PCDH11X: variants seen among roughly 807,000 people sequenced by gnomAD.
PCDH11X encodes the protein protocadherin 11 X-linked, also known as protocadherin-11 X-linked.
PCDH11X carries 18 observed loss-of-function variants against 53.3 expected under a neutral mutation model. That is an observed-to-expected ratio of 0.34 (90% CI 0.23 to 0.50). The LOEUF (loss-of-function observed/expected upper bound fraction) is 0.50, where lower values mean the gene tolerates loss of function less well. PCDH11X is among the 20% of genes least tolerant of loss of function. PCDH11X has a pLI of 0.98. For missense variants in PCDH11X, 570 were observed against 1,032.4 expected, an observed-to-expected ratio of 0.55 and a Z score of 6.14; for synonymous variants, 279 against 393.3, an observed-to-expected ratio of 0.71 and a Z score of 3.44.
chrX:92,013,858 C>T (rs1468633845), intron 6 of PCDH11X, among the ~76,000 whole-genome samples: 1 of 111,637 alleles, frequency 9.0e-6, no homozygotes, highest in Non-Finnish European at 1.9e-5. Flanking sequence ...GGATCCCTTC[C>T]TTACACCTTA....
intron 8 of PCDH11X, among the ~76,000 whole-genome samples, chrX:92,350,670 G>A (rs12848853): frequency 8.5e-4 from 95 of 111,314 alleles, no homozygotes; most frequent in Non-Finnish European, 1.6e-3. Context: ...TGGCTTTCCT[G>A]GTATATTCCT....
chrX:92,389,981 T>C (rs1464984631), intron 9 of PCDH11X, among the ~76,000 whole-genome samples: 2 of 110,314 alleles, frequency 1.8e-5, no homozygotes, highest in African/African-American at 6.6e-5. Flanking sequence ...TTAAAAACTT[T>C]AGTTGCTCAA....
chrX:92,248,284 G>A (rs774874414), intron 7 of PCDH11X, among the ~76,000 whole-genome samples: 1 of 111,504 alleles, frequency 9.0e-6, no homozygotes, highest in Admixed American at 9.6e-5. Context: ...TAAATCCTTA[G>A]GGATAAATCA....
chrX:92,520,077 A>G (rs1316691536), intron 10 of PCDH11X, among the ~76,000 whole-genome samples: 3 of 108,688 alleles, frequency 2.8e-5, no homozygotes, highest in Non-Finnish European at 5.7e-5. Context: ...TGATAAATAC[A>G]AATCTTGTGG....
At chrX:92,211,509 C>T (rs1036551781) in intron 7 of PCDH11X, among the ~76,000 whole-genome samples, 1 of 111,805 alleles carries the variant, frequency 8.9e-6, no homozygotes, top group South Asian at 3.7e-4. Flanking sequence ...GAAAATCTTT[C>T]TGTAGGTTGA....
Position 92,160,678 on chromosome X carries a change from G to T in PCDH11X, c.3034-40697G>T, listed in dbSNP as rs780170165. 2.8e-3 allele frequency among the ~76,000 whole-genome samples: 247 copies of T among 87,070 alleles called. 1 individual carries two copies. Among genetic ancestry groups the T allele is most frequent in the Middle Eastern group, 7.8e-3 (1 of 128 alleles). 75.6% of individuals were successfully genotyped at this position (87,070 alleles called of 115,157 possible). A position where few individuals can be genotyped will look rare whatever the true frequency, so the allele number is the denominator to read the frequency against. ...TTTTTATAATGACTTCTTTTCTTCTGGGTAGATACCCAGTAGTGGGAGTAC... is the reference window on the plus strand; with the variant it reads ...TTTTTATAATGACTTCTTTTCTTCTTGGTAGATACCCAGTAGTGGGAGTAC... On this transcript the variant is annotated intron_variant, in intron 6 of 10. Transcript: ENST00000682573.
rs779698683 is a variant in PCDH11X at position 92,519,504 on chromosome X, T to A, written c.3367+51182T>A. Among the ~76,000 whole-genome samples, 6 of 106,995 alleles carry A rather than the reference T, an allele frequency of 5.6e-5. No homozygotes were observed. In the South Asian group the frequency reaches 2.5e-3, roughly 45 times the overall value. 92.9% of individuals were successfully genotyped at this position (106,995 alleles called of 115,157 possible). Reference sequence around the variant, plus strand: ...CTTCTTTGCTCAAGATAAAAATATATCATTAGTGACTATGAACTCATCTAT... The same window carrying A: ...CTTCTTTGCTCAAGATAAAAATATAACATTAGTGACTATGAACTCATCTAT... On this transcript the variant is annotated intron_variant, in intron 10 of 10. Transcript: ENST00000682573.
At chrX:92,577,954 A>C (rs1338513914) in intron 10 of PCDH11X, among the ~76,000 whole-genome samples, 1 of 108,603 alleles carries the variant, frequency 9.2e-6, no homozygotes, top group Non-Finnish European at 1.9e-5. Context: ...TTTTACTTCC[A>C]ATTATGTGAT....
intron 1 of PCDH11X, among the ~76,000 whole-genome samples, chrX:91,785,912 A>G (rs1935322120): frequency 8.9e-6 from 1 of 111,892 alleles, no homozygotes; most frequent in Non-Finnish European, 1.9e-5. Context: ...TGCAAGGTTA[A>G]TTGTAAAATA....
intron 7 of PCDH11X, among the ~76,000 whole-genome samples, chrX:92,217,145 T>C (rs5941058): frequency 3.0e-4 from 33 of 109,206 alleles, no homozygotes; most frequent in African/African-American, 1.0e-3. Flanking sequence ...CTGCATCAAC[T>C]AACGAGCAAA....
chrX:92,195,980 C>T (rs952439584), intron 6 of PCDH11X, among the ~76,000 whole-genome samples: 6 of 111,446 alleles, frequency 5.4e-5, no homozygotes, highest in East Asian at 2.8e-4. Flanking sequence ...CTAGTCTTGC[C>T]GCAACTCTAA....
rs143245021 is a variant in PCDH11X at position 92,173,223 on chromosome X, T to G, written c.3034-28152T>G. Among the ~76,000 whole-genome samples, 693 of 111,699 alleles carry G rather than the reference T, an allele frequency of 6.2e-3. 5 individuals carry two copies. The highest frequency in any genetic ancestry group is 0.021 in the African/African-American group (660 of 30,748). On this transcript the variant is annotated intron_variant, in intron 6 of 10. Transcript: ENST00000682573. ...GATTTTAGATGACATGTCCTAAGAG[T>G]CTAGGACTTAATGCTGGTAAACTTG...
intron 6 of PCDH11X, among the ~76,000 whole-genome samples, chrX:92,026,028 A>G: frequency 9.0e-6 from 1 of 110,886 alleles, no homozygotes; most frequent in African/African-American, 3.3e-5. Context: ...GGGGAACAAG[A>G]GACACTGGGG....
chrX:92,058,828 T>C (rs1281256645), intron 6 of PCDH11X, among the ~76,000 whole-genome samples: 4 of 108,014 alleles, frequency 3.7e-5, no homozygotes, highest in Non-Finnish European at 7.7e-5. Context: ...ATTTCAATGC[T>C]GTATTTTTCT....
In PCDH11X at chrX:92,459,886, A is replaced by G. The variant is rs1014452169; in HGVS notation, c.3344-8413A>G. 1.4e-5 allele frequency: 16 copies of G among 1,144,254 alleles called. No individual in the cohort carries two copies. The African/African-American group carries it at 2.7e-4, about 19-fold the overall frequency. 94.3% of individuals were successfully genotyped at this position (1,144,254 alleles called of 1,213,427 possible). On this transcript the variant is annotated intron_variant, in intron 9 of 10. Coordinates refer to ENST00000682573, the MANE Select transcript of PCDH11X (RefSeq NM_032968.5). ...GGGGATGGCTGGGGGTCTGGCAGGA[A>G]TGGGAGGCATCCAGAACAAGAAGAC...
At chrX:91,983,131 G>T in intron 6 of PCDH11X, 3 of 982,742 alleles carry the variant, frequency 3.1e-6, no homozygotes, top group Middle Eastern at 2.6e-4. Flanking sequence ...TTGCAGTCCA[G>T]GGTAATGTGC....
At chrX:92,512,487 T>A (rs2074180472) in intron 10 of PCDH11X, among the ~76,000 whole-genome samples, 1 of 111,803 alleles carries the variant, frequency 8.9e-6, no homozygotes, top group African/African-American at 3.2e-5. Flanking sequence ...AGACTGGGTT[T>A]ATGAAATATG....
chrX:92,342,966 C>G (rs919986546), intron 8 of PCDH11X, among the ~76,000 whole-genome samples: 1 of 112,172 alleles, frequency 8.9e-6, no homozygotes, highest in African/African-American at 3.2e-5. Context: ...TCTCCAATTG[C>G]TAATATGAAA....
intron 6 of PCDH11X, among the ~76,000 whole-genome samples, chrX:91,898,485 C>T (rs186020142): frequency 0.06 from 6,549 of 108,751 alleles, 527 homozygotes; most frequent in African/African-American, 0.21. Context: ...TAAAGCCTTT[C>T]CAGTTGTAGG....
Sources: allele counts gnomAD v4.1 joint callset (sites outside exome capture counted in the v4.1 genomes callset), GRCh38; gene constraint gnomAD v4.1.1; transcripts MANE v1.5; gene names NCBI Gene and HGNC (gene_info 2026-07-23, HGNC 2026-07-21).